The following PRKD2 variants were observed in gnomAD, a reference collection of about 807,000 sequenced individuals.
The protein encoded by PRKD2 is serine/threonine-protein kinase D2.
A neutral mutation model predicts 86.0 loss-of-function variants in PRKD2; 22 were observed. That is an observed-to-expected ratio of 0.26 (90% CI 0.18 to 0.37). The LOEUF (loss-of-function observed/expected upper bound fraction) is 0.37, where lower values mean the gene tolerates loss of function less well. PRKD2 is among the 10% of genes least tolerant of loss of function. The probability of loss-of-function intolerance (pLI) is 1.00; values close to 1 mark genes in which losing one functional copy is unlikely to be tolerated. For synonymous variants in PRKD2, 509 were observed against 510.9 expected (o/e 1.00, Z 0.05); for missense variants, 818 against 1,199.2 (o/e 0.68, Z 4.70).
intron 5 of PRKD2, 151 bp downstream of exon 5, chr19:46,704,018 T>A (rs930077828): frequency 2.8e-6 from 3 of 1,082,372 alleles, no homozygotes; most frequent in Non-Finnish European, 3.8e-6. Flanking sequence ...ATTCCAGAAT[T>A]CCAAAGGTCC....
chr19:46,707,083 A>G (rs914992335), intron 3 of PRKD2, among the ~76,000 whole-genome samples: 1 of 151,982 alleles, frequency 6.6e-6, no homozygotes, highest in Admixed American at 6.6e-5. Context: ...TAGTAGAGAC[A>G]GGGTTTCACC....
Position 46,710,819 on chromosome 19 carries a change from C to T in PRKD2, c.511+88G>A. On this transcript the variant is annotated intron_variant, in intron 3 of 17. Transcript: ENST00000291281. ...CAGCTCTGAGACCCGCTCCTCCTCC[C>T]CACGCTGTCCCCGTGCCAGGACCAT... The T allele has an allele frequency of 2.2e-6, 3 of 1,377,424 alleles. No individual in the cohort carries two copies. The South Asian group carries it at 4.2e-5, about 19-fold the overall frequency. The allele number at this position is 1,377,424 out of a possible 1,614,324, so 85.3% of individuals were successfully genotyped here.
intron 9 of PRKD2, 110 bp from the exon 10 acceptor site, chr19:46,694,243 G>T: frequency 7.1e-7 from 1 of 1,405,730 alleles, no homozygotes; most frequent in Non-Finnish European, 9.7e-7. Flanking sequence ...GGCCTGGTTT[G>T]CACAGTGGTC....
At position 46,693,825 on chromosome 19, in the gene PRKD2, C is replaced by G; in HGVS notation, c.1576+50G>C. 6 of 1,538,284 alleles carry G rather than the reference C, an allele frequency of 3.9e-6. No individual in the cohort carries two copies. The highest frequency in any genetic ancestry group is 5.2e-6 in the Non-Finnish European group (6 of 1,144,738). ...GCCCTTCCATTCCCCAGAACCGTGC[C>G]CCACCCATCTAGATCTATTCTCTCA... On this transcript the variant is annotated intron_variant, in intron 10 of 17. Transcript: ENST00000291281. This position sits in a 1 kb window ranked among gnomAD's most constrained non-coding sequence, Gnocchi z 4.5.
chr19:46,697,719 CCCCGGCCACTCA>C lies in PRKD2; in HGVS notation c.1239+2_1239+13del. The C allele has an allele frequency of 6.2e-7, 1 of 1,605,522 alleles. No individual in the cohort carries two copies. Among genetic ancestry groups the C allele is most frequent in the Non-Finnish European group, 8.5e-7 (1 of 1,172,928 alleles). On this transcript the variant is annotated splice_donor_variant and splice_donor_5th_base_variant and intron_variant, in intron 8 of 17. Coordinates refer to ENST00000291281, the MANE Select transcript of PRKD2 (RefSeq NM_016457.5). LOFTEE classifies it high-confidence loss of function. ...CTTCGCTCCGCCGTACCCGGCCCCGCCCCGGCCACTCACCAGCGTGTCCTTGTTGCTGTAATG... is the reference window on the plus strand; with the variant it reads ...CTTCGCTCCGCCGTACCCGGCCCCGCCCAGCGTGTCCTTGTTGCTGTAATG...
In PRKD2 at chr19:46,716,239, C is replaced by A. The variant is rs1235622775; in HGVS notation, c.132G>T (p.Gly44=). ...GCCCGATCTGGATGTGAAAGGAGAC[C>A]CCGGAACCCGGGGCCGGGATCTGGG... ...LLPQIPAPGS[G]VSFHIQIGLT... The change falls in exon 1 of 18, where the codon GGG becomes GGT. Residue 44 remains glycine, a synonymous_variant. Coordinates refer to ENST00000291281, the MANE Select transcript of PRKD2 (RefSeq NM_016457.5). This position sits in a 1 kb window ranked among gnomAD's most constrained non-coding sequence, Gnocchi z 7.9. The A allele has an allele frequency of 6.2e-7, 1 of 1,605,844 alleles. No homozygotes were observed. The highest frequency in any genetic ancestry group is 1.7e-5 in the Admixed American group (1 of 59,298).
chr19:46,700,744 G>C, intron 7 of PRKD2, 55 bp downstream of exon 7: 1 of 1,564,036 alleles, frequency 6.4e-7, no homozygotes, highest in Non-Finnish European at 8.7e-7. Flanking sequence ...AGAAATTGAG[G>C]TTCACTGTGC....
intron 3 of PRKD2, among the ~76,000 whole-genome samples, chr19:46,708,984 T>TG (rs954577259): frequency 1.5e-4 from 9 of 61,962 alleles, no homozygotes; most frequent in East Asian, 2.9e-4. Flanking sequence ...TTTTTTTTTT[T>TG]TTTTTTTTTT....
intron 16 of PRKD2, among the ~76,000 whole-genome samples, chr19:46,676,465 G>C (rs1452764663): frequency 6.6e-6 from 1 of 152,186 alleles, no homozygotes; most frequent in Non-Finnish European, 1.5e-5. Context: ...TCAGATGGTA[G>C]TTAGTCACCA....
intron 17 of PRKD2, 113 bp downstream of exon 17, chr19:46,674,920 C>T: frequency 6.5e-6 from 8 of 1,233,020 alleles, no homozygotes; most frequent in Non-Finnish European, 9.1e-6. Context: ...GGCCTAGCCA[C>T]ATTCCAGACC....
chr19:46,681,590 C>A, intron 15 of PRKD2, 60 bp downstream of exon 15: 1 of 712,508 alleles, frequency 1.4e-6, no homozygotes, highest in Non-Finnish European at 2.3e-6. Context: ...CCTTCCCCAC[C>A]CCCACCCCGG....
At chr19:46,686,122 A>G (rs537513312) in intron 14 of PRKD2, 1 of 152,230 alleles carries the variant, frequency 6.6e-6, no homozygotes, top group South Asian at 2.1e-4. Context: ...GTCTCAGAAG[A>G]AGGCAAGGCA....
At chr19:46,682,029 C>T (rs1432473876) in intron 14 of PRKD2, among the ~76,000 whole-genome samples, 5 of 148,294 alleles carry the variant, frequency 3.4e-5, no homozygotes, top group African/African-American at 7.5e-5. Flanking sequence ...CTTTTTGAGG[C>T]GGAGTCTCAC....
chr19:46,708,344 A>T, intron 3 of PRKD2, among the ~76,000 whole-genome samples: 1 of 120,786 alleles, frequency 8.3e-6, no homozygotes. Context: ...TTCTGAGACA[A>T]TCGTGTTCTG....
At chr19:46,696,419 A>C (rs575287871) in intron 9 of PRKD2, among the ~76,000 whole-genome samples, 18 of 152,242 alleles carry the variant, frequency 1.2e-4, no homozygotes, top group South Asian at 1.0e-3. Context: ...CAGTGTGGGC[A>C]TGGGAGGTGG....
chr19:46,676,280 T>G (rs111900207), intron 16 of PRKD2, among the ~76,000 whole-genome samples: 4,115 of 151,990 alleles, frequency 0.027, 195 homozygotes, highest in African/African-American at 0.089. Flanking sequence ...TACAAAAAAT[T>G]AGCTGGGCAT....
At chr19:46,688,448 T>A (rs532272730) in intron 14 of PRKD2, among the ~76,000 whole-genome samples, 415 of 150,714 alleles carry the variant, frequency 2.8e-3, no homozygotes, top group African/African-American at 8.9e-3. Context: ...TATTATTTTT[T>A]TTTTTGAGAC....
At position 46,701,653 on chromosome 19, in the gene PRKD2, T is replaced by TTGTG. The variant is rs111858403; in HGVS notation, c.890-545_890-542dup. On this transcript the variant is annotated intron_variant, in intron 5 of 17. Coordinates refer to ENST00000291281, the MANE Select transcript of PRKD2 (RefSeq NM_016457.5). ...ACAGGCGTGAGCCACCGCGCCCGAC[T>TTGTG]TGTGTGTGTGTGTGTGTGTGTGTGT... Among the ~76,000 whole-genome samples the TTGTG allele has an allele frequency of 1.6e-3, 237 of 147,870 alleles. 1 individual carries two copies. Among genetic ancestry groups the TTGTG allele is most frequent in the African/African-American group, 5.1e-3 (208 of 40,430 alleles).
At chr19:46,702,347 G>A (rs549870457) in intron 5 of PRKD2, among the ~76,000 whole-genome samples, 7 of 151,820 alleles carry the variant, frequency 4.6e-5, no homozygotes, top group East Asian at 3.9e-4. Context: ...ACCTGATTCC[G>A]TATTTCTAAG....
Sources: gnomAD v4.1 joint callset for allele counts (sites outside exome capture counted in the v4.1 genomes callset) on GRCh38, gnomAD v4.1.1 for gene constraint, Gnocchi (gnomAD v3.1) non-coding constraint, MANE v1.5 for transcripts, NCBI Gene and HGNC (gene_info 2026-07-23, HGNC 2026-07-21) for gene names.